SYN3: variants seen among roughly 807,000 people sequenced by gnomAD.
The protein encoded by SYN3 is synapsin-3.
A neutral mutation model predicts 65.8 loss-of-function variants in SYN3; 35 were observed. The observed-to-expected ratio is 0.53, with a 90% CI of 0.41 to 0.70. The LOEUF is 0.70. Among genes scored for constraint, SYN3 ranks in the 30% least tolerant of loss-of-function variants. The probability of loss-of-function intolerance (pLI) is 0.00; values close to 1 mark genes in which losing one functional copy is unlikely to be tolerated. For missense variants in SYN3, 680 were observed against 749.0 expected (o/e 0.91, Z 1.08); for synonymous variants, 270 against 292.9 (o/e 0.92, Z 0.80).
chr22:32,905,460 G>T (rs556013733), intron 4 of SYN3, among the ~76,000 whole-genome samples: 36 of 152,274 alleles, frequency 2.4e-4, no homozygotes, highest in Admixed American at 9.1e-4. Flanking sequence ...GACCTACCTT[G>T]GTTGCCACCC....
intron 6 of SYN3, among the ~76,000 whole-genome samples, chr22:32,680,897 G>A (rs1295243192): frequency 6.6e-6 from 1 of 152,204 alleles, no homozygotes; most frequent in East Asian, 1.9e-4. Context: ...AGGCTGGGCT[G>A]ACTTTTTTCT....
At chr22:32,935,472 T>A (rs2050748815) in intron 3 of SYN3, among the ~76,000 whole-genome samples, 1 of 145,224 alleles carries the variant, frequency 6.9e-6, no homozygotes, top group African/African-American at 2.6e-5. Flanking sequence ...TTTTTTGAGA[T>A]GGAGTTTCAC....
intron 4 of SYN3, among the ~76,000 whole-genome samples, chr22:32,874,201 G>C (rs188331198): frequency 1.3e-5 from 2 of 152,094 alleles, no homozygotes; most frequent in Admixed American, 1.3e-4. Context: ...TCTTCCTGCC[G>C]TAGAGCCCCA....
chr22:32,618,571 C>A (rs8135117), intron 6 of SYN3, among the ~76,000 whole-genome samples: 1 of 151,834 alleles, frequency 6.6e-6, no homozygotes, highest in African/African-American at 2.4e-5. Context: ...CATTTTCCCC[C>A]CTTTCATTCT....
intron 4 of SYN3, among the ~76,000 whole-genome samples, chr22:32,905,378 C>T (rs2049873764): frequency 6.6e-6 from 1 of 152,118 alleles, no homozygotes; most frequent in African/African-American, 2.4e-5. Flanking sequence ...ACTTAGGGAA[C>T]CAATAAATGT....
intron 4 of SYN3, among the ~76,000 whole-genome samples, chr22:32,912,455 C>G (rs948182322): frequency 3.3e-5 from 5 of 152,024 alleles, no homozygotes; most frequent in Non-Finnish European, 7.4e-5. Flanking sequence ...GTGGCTCACA[C>G]CTGTAATCCC....
intron 1 of SYN3, among the ~76,000 whole-genome samples, chr22:33,054,394 G>GT (rs1045071269): frequency 2.0e-5 from 3 of 152,088 alleles, no homozygotes; most frequent in African/African-American, 4.8e-5. Flanking sequence ...TTGTTTGTTT[G>GT]TTTTTTTAAT....
intron 1 of SYN3, among the ~76,000 whole-genome samples, chr22:33,041,259 T>C (rs1003839111): frequency 6.7e-6 from 1 of 150,208 alleles, no homozygotes; most frequent in Non-Finnish European, 1.5e-5. Context: ...ACTAATACAA[T>C]GTCCAAAGCT....
intron 6 of SYN3, among the ~76,000 whole-genome samples, chr22:32,779,806 TC>T (rs2045990007): frequency 1.3e-5 from 2 of 152,074 alleles, no homozygotes; most frequent in African/African-American, 4.8e-5. Context: ...TAGCGACTCC[TC>T]CACGCTTTAG....
At chr22:32,941,083 C>T (rs2050922431) in intron 3 of SYN3, among the ~76,000 whole-genome samples, 1 of 152,090 alleles carries the variant, frequency 6.6e-6, no homozygotes, top group African/African-American at 2.4e-5. Flanking sequence ...AAGACCTCCT[C>T]AACGAAACCC....
intron 6 of SYN3, among the ~76,000 whole-genome samples, chr22:32,783,802 A>C (rs922325780): frequency 6.6e-6 from 1 of 152,168 alleles, no homozygotes; most frequent in African/African-American, 2.4e-5. Context: ...TAAACAAACC[A>C]ATCTCATCTT....
At chr22:32,763,018 T>A (rs756835718) in intron 6 of SYN3, among the ~76,000 whole-genome samples, 2 of 152,198 alleles carry the variant, frequency 1.3e-5, no homozygotes, top group African/African-American at 2.4e-5. Context: ...ACAATTAGTA[T>A]CTTATTGAGT....
chr22:32,734,175 C>T (rs189349921), intron 6 of SYN3, among the ~76,000 whole-genome samples: 13 of 152,260 alleles, frequency 8.5e-5, no homozygotes, highest in Middle Eastern at 3.4e-3. Context: ...AGCTTGGAGG[C>T]CTCTTTGCAT....
intron 7 of SYN3, among the ~76,000 whole-genome samples, chr22:32,569,537 A>ATCTCTC (rs142418236): frequency 2.2e-4 from 25 of 113,498 alleles, no homozygotes; most frequent in Non-Finnish European, 3.2e-4. Context: ...AAATCAATCA[A>ATCTCTC]TCTCTCTCTC....
intron 1 of SYN3, among the ~76,000 whole-genome samples, chr22:33,057,375 G>A (rs980332647): frequency 2.0e-5 from 3 of 152,178 alleles, no homozygotes; most frequent in African/African-American, 7.2e-5. Flanking sequence ...TCCATTATCT[G>A]CTGTAGAATT....
chr22:32,915,246 A>C (rs1267575255), intron 4 of SYN3, among the ~76,000 whole-genome samples: 1 of 152,180 alleles, frequency 6.6e-6, no homozygotes, highest in Non-Finnish European at 1.5e-5. Context: ...CCTTCTGTAC[A>C]TGTACCCCAG....
chr22:32,699,072 C>T lies in SYN3; in HGVS notation c.712-102336G>A, dbSNP rs575964300. ...CCAGACATTCAGCCTTGGCGCTAGA[C>T]GCTCTGAAACTTGGCCGGGCTTCCC... On this transcript the variant is annotated intron_variant, in intron 6 of 13. Transcript: ENST00000358763. 3.5e-4 allele frequency among the ~76,000 whole-genome samples: 54 copies of T among 152,350 alleles called. No individual in the cohort carries two copies. The South Asian group carries it at 4.6e-3, about 13-fold the overall frequency.
At chr22:32,854,470 C>T (rs1228710713) in intron 6 of SYN3, among the ~76,000 whole-genome samples, 4 of 152,172 alleles carry the variant, frequency 2.6e-5, no homozygotes, top group South Asian at 4.1e-4. Flanking sequence ...AATGAGGTTC[C>T]CATGGGCTGG....
intron 6 of SYN3, among the ~76,000 whole-genome samples, chr22:32,752,589 G>A (rs743740): frequency 0.33 from 50,480 of 151,910 alleles, 11,130 homozygotes; most frequent in African/African-American, 0.63. Context: ...AGCACTTGCC[G>A]CGTGCCGGGG....
Sources: allele counts gnomAD v4.1 joint callset (sites outside exome capture counted in the v4.1 genomes callset), GRCh38; gene constraint gnomAD v4.1.1; transcripts MANE v1.5; gene names NCBI Gene and HGNC (gene_info 2026-07-23, HGNC 2026-07-21).